Variants in PRH1 observed in about 807,000 individuals in gnomAD.
The protein encoded by PRH1 is salivary acidic proline-rich phosphoprotein 1/2.
A neutral mutation model predicts 7.9 loss-of-function variants in PRH1; 7 were observed. The observed-to-expected ratio is 0.89, with a 90% CI of 0.50 to 1.67. The LOEUF (loss-of-function observed/expected upper bound fraction) is 1.67, where lower values mean the gene tolerates loss of function less well. Among genes scored for constraint, PRH1 ranks in the 40% most tolerant of loss-of-function variants. The probability of loss-of-function intolerance (pLI) is 0.00; values close to 1 mark genes in which losing one functional copy is unlikely to be tolerated. For synonymous variants in PRH1, 45 were observed against 80.8 expected, an observed-to-expected ratio of 0.56 and a Z score of 2.38; for missense variants, 109 against 223.6, an observed-to-expected ratio of 0.49 and a Z score of 3.27.
chr12:11,021,506 T>C (rs148834090), intron 1 of PRH1: 12 of 604,374 alleles, frequency 2.0e-5, no homozygotes, highest in African/African-American at 9.2e-5. Flanking sequence ...CATAAATATA[T>C]ATATGACTTT....
At chr12:11,152,210 C>A (rs753823911) in intron 1 of PRH1, among the ~76,000 whole-genome samples, 20 of 143,196 alleles carry the variant, frequency 1.4e-4, no homozygotes, top group Admixed American at 1.4e-4. Context: ...TTAGGTATAT[C>A]TCCTAATGCT....
chr12:11,099,059 T>C (rs1458592973), intron 1 of PRH1, among the ~76,000 whole-genome samples: 1 of 152,128 alleles, frequency 6.6e-6, no homozygotes, highest in Non-Finnish European at 1.5e-5. Context: ...ATATAAAATA[T>C]TTAGCCATTT....
intron 1 of PRH1, among the ~76,000 whole-genome samples, chr12:10,991,999 C>A (rs941067048): frequency 1.3e-5 from 2 of 152,090 alleles, no homozygotes; most frequent in African/African-American, 4.8e-5. Flanking sequence ...GTTGAAGAGG[C>A]CTCATACTTT....
chr12:11,135,835 A>G (rs560499352), intron 1 of PRH1, among the ~76,000 whole-genome samples: 2 of 152,208 alleles, frequency 1.3e-5, no homozygotes, highest in East Asian at 1.9e-4. Context: ...TTAGAGTTGT[A>G]TAAGAATGTA....
intron 2 of PRH1, among the ~76,000 whole-genome samples, chr12:10,933,025 T>C (rs1474932518): frequency 6.6e-6 from 1 of 152,144 alleles, no homozygotes; most frequent in Non-Finnish European, 1.5e-5. Context: ...AAATGATTCA[T>C]AAATTTTGAA....
chr12:10,907,378 G>A (rs1043563218), intron 2 of PRH1, among the ~76,000 whole-genome samples: 2 of 152,052 alleles, frequency 1.3e-5, no homozygotes, highest in African/African-American at 4.8e-5. Flanking sequence ...ATTTTTTAAT[G>A]TGGTATATCC....
intron 1 of PRH1, among the ~76,000 whole-genome samples, chr12:11,154,902 G>T (rs1947207100): frequency 8.0e-6 from 1 of 125,222 alleles, no homozygotes; most frequent in African/African-American, 2.8e-5. Flanking sequence ...AGAATTTGAG[G>T]CTTCCTGTTT....
At position 11,082,115 on chromosome 12, in the gene PRH1, C is replaced by T. The variant is rs560986361; in HGVS notation, n.124-34927G>A. ...TGATATCTCTTAGAAATTATGCAGACATTAACCAAATTATGTATGTAAATA... is the reference window on the plus strand; with the variant it reads ...TGATATCTCTTAGAAATTATGCAGATATTAACCAAATTATGTATGTAAATA... On this transcript the variant is annotated intron_variant and non_coding_transcript_variant, in intron 1 of 4. Transcript: ENST00000541977. Among the ~76,000 whole-genome samples the T allele has an allele frequency of 9.7e-4, 95 of 98,092 alleles. 21 individuals are homozygous for T. The highest frequency in any genetic ancestry group is 9.1e-3 in the Middle Eastern group (2 of 220). The allele number at this position is 98,092 out of a possible 152,430, so 64.4% of individuals were successfully genotyped here. A position where few individuals can be genotyped will look rare whatever the true frequency, so the allele number is the denominator to read the frequency against.
In PRH1 at chr12:11,000,073, G is replaced by T. The variant is rs1036131606; in HGVS notation, c.-125-26352C>A. 2.6e-5 allele frequency among the ~76,000 whole-genome samples: 4 copies of T among 151,818 alleles called. No individual in the cohort carries two copies. The South Asian group carries it at 8.3e-4, about 32-fold the overall frequency. ...TCATTTGATGCAATTCCTATTATGGGGTCATTAAATGTGGTGTTCAAATTA... is the reference window on the plus strand; with the variant it reads ...TCATTTGATGCAATTCCTATTATGGTGTCATTAAATGTGGTGTTCAAATTA... On this transcript the variant is annotated intron_variant, in intron 1 of 3. Coordinates refer to the PRH1 transcript ENST00000539853.
At chr12:10,896,764 A>G (rs118178196) in intron 2 of PRH1, 15,537 of 151,174 alleles carry the variant, frequency 0.1, 1,034 homozygotes, top group Non-Finnish European at 0.14. Flanking sequence ...CCGTCTCAAA[A>G]AAAAAAAAAA....
intron 1 of PRH1, among the ~76,000 whole-genome samples, chr12:11,067,507 C>T (rs1943876360): frequency 6.6e-6 from 1 of 152,122 alleles, no homozygotes; most frequent in African/African-American, 2.4e-5. Flanking sequence ...TTCATATTAG[C>T]ATTAAGAAGG....
intron 2 of PRH1, chr12:10,895,220 T>A (rs904077867): frequency 6.6e-6 from 1 of 152,158 alleles, no homozygotes; most frequent in Admixed American, 6.5e-5. Context: ...TGTGCTGGGA[T>A]CCCTGGAATA....
At chr12:11,032,376 G>A (rs1161498582) in intron 1 of PRH1, among the ~76,000 whole-genome samples, 1 of 152,130 alleles carries the variant, frequency 6.6e-6, no homozygotes, top group Non-Finnish European at 1.5e-5. Flanking sequence ...AATCCTAACT[G>A]CTTTTATCAA....
chr12:11,041,502 A>G (rs1041050808), intron 1 of PRH1, among the ~76,000 whole-genome samples: 1 of 152,182 alleles, frequency 6.6e-6, no homozygotes, highest in Non-Finnish European at 1.5e-5. Context: ...AGAGCAAAGC[A>G]AAGAGAAAAG....
At chr12:11,030,137 G>C (rs1436698821) in intron 1 of PRH1, among the ~76,000 whole-genome samples, 1 of 152,184 alleles carries the variant, frequency 6.6e-6, no homozygotes, top group Non-Finnish European at 1.5e-5. Context: ...AGAAATTTTT[G>C]TCATATTTTG....
intron 1 of PRH1, among the ~76,000 whole-genome samples, chr12:11,141,686 T>C (rs1411389458): frequency 1.3e-5 from 2 of 152,214 alleles, no homozygotes; most frequent in Non-Finnish European, 1.5e-5. Context: ...GTATAACTGC[T>C]TTCAATTTTA....
intron 1 of PRH1, among the ~76,000 whole-genome samples, chr12:11,145,862 TATA>T (rs1278277375): frequency 1.3e-5 from 2 of 152,202 alleles, no homozygotes; most frequent in Non-Finnish European, 2.9e-5. Context: ...AATGAAGCAT[TATA>T]ATGTTTTTAA....
intron 1 of PRH1, among the ~76,000 whole-genome samples, chr12:11,136,235 C>T (rs1403863607): frequency 6.6e-6 from 1 of 152,204 alleles, no homozygotes; most frequent in East Asian, 1.9e-4. Flanking sequence ...AGGTGCATTC[C>T]TACATGTTCT....
intron 2 of PRH1, among the ~76,000 whole-genome samples, chr12:10,927,265 T>G (rs1449992678): frequency 1.3e-5 from 2 of 152,206 alleles, no homozygotes; most frequent in Non-Finnish European, 2.9e-5. Flanking sequence ...CTGGCACCCC[T>G]CTTTGTTCCC....
Sources: gnomAD v4.1 joint callset for allele counts (sites outside exome capture counted in the v4.1 genomes callset) on GRCh38, gnomAD v4.1.1 for gene constraint, MANE v1.5 for transcripts, NCBI Gene and HGNC (gene_info 2026-07-23, HGNC 2026-07-21) for gene names.